Variants in RCOR1 observed in about 807,000 individuals in gnomAD.
RCOR1 encodes the protein REST corepressor.
In RCOR1, 12 loss-of-function variants were observed where a neutral mutation model predicts 64.0. The ratio of observed to expected loss-of-function variants is 0.19; its 90% confidence interval spans 0.12 to 0.30. RCOR1 has a LOEUF of 0.30. Among genes scored for constraint, RCOR1 ranks in the 10% least tolerant of loss-of-function variants. The pLI, the probability that RCOR1 is intolerant of heterozygous loss-of-function variation, is 1.00. For missense variants in RCOR1, 502 were observed against 621.2 expected, an observed-to-expected ratio of 0.81 and a Z score of 2.04; for synonymous variants, 279 against 227.2, an observed-to-expected ratio of 1.23 and a Z score of -2.05.
chr14:102,722,046 T>G (rs770785453), intron 10 of RCOR1, 141 bp from the exon 11 acceptor site: 38 of 654,332 alleles, frequency 5.8e-5, no homozygotes, highest in Admixed American at 1.7e-4. Flanking sequence ...TACTTTTTCC[T>G]ACTCTAATAA....
At chr14:102,709,535 G>C (rs753368393) in intron 6 of RCOR1, among the ~76,000 whole-genome samples, 22 of 152,200 alleles carry the variant, frequency 1.4e-4, no homozygotes, top group Non-Finnish European at 2.8e-4. Flanking sequence ...AGTAACATGT[G>C]AGAACACATT....
chr14:102,718,189 G>A (rs1566713535), intron 8 of RCOR1, among the ~76,000 whole-genome samples: 1 of 152,252 alleles, frequency 6.6e-6, no homozygotes, highest in Non-Finnish European at 1.5e-5. Context: ...GCCATTCTCA[G>A]CTGTTGGCTT....
At chr14:102,629,386 A>T (rs977538440) in intron 2 of RCOR1, among the ~76,000 whole-genome samples, 2 of 151,640 alleles carry the variant, frequency 1.3e-5, no homozygotes, top group Non-Finnish European at 2.9e-5. Flanking sequence ...CTTCAACTAG[A>T]CGGTAAACTG....
intron 3 of RCOR1, among the ~76,000 whole-genome samples, chr14:102,693,255 G>A (rs941934535): frequency 2.6e-5 from 4 of 152,070 alleles, no homozygotes; most frequent in African/African-American, 9.7e-5. Context: ...GAATTCATTT[G>A]TATGACTATT....
intron 2 of RCOR1, among the ~76,000 whole-genome samples, chr14:102,594,332 T>C (rs192016730): frequency 1.2e-4 from 18 of 148,878 alleles, no homozygotes; most frequent in Admixed American, 6.9e-5. Context: ...GTTCTGTATG[T>C]GGGTTATACC....
At chr14:102,603,655 CTG>C (rs1893447821) in intron 2 of RCOR1, among the ~76,000 whole-genome samples, 1 of 150,892 alleles carries the variant, frequency 6.6e-6, no homozygotes, top group Non-Finnish European at 1.5e-5. Context: ...GGGTCTTGCT[CTG>C]TTGCCCAGGC....
At chr14:102,641,760 A>G (rs1894374824) in intron 2 of RCOR1, among the ~76,000 whole-genome samples, 1 of 152,166 alleles carries the variant, frequency 6.6e-6, no homozygotes, top group African/African-American at 2.4e-5. Flanking sequence ...GCCCACTAAC[A>G]TGTATGCTTC....
chr14:102,654,176 AG>A (rs1314357631), intron 2 of RCOR1, among the ~76,000 whole-genome samples: 1 of 151,314 alleles, frequency 6.6e-6, no homozygotes, highest in East Asian at 1.9e-4. Context: ...TAGTAGAGAC[AG>A]GGTTTCACCG....
chr14:102,622,186 C>G (rs899053067), intron 2 of RCOR1, among the ~76,000 whole-genome samples: 20 of 150,786 alleles, frequency 1.3e-4, no homozygotes, highest in African/African-American at 4.6e-4. Flanking sequence ...CTTTCTTACT[C>G]TTAAGAATAA....
Position 102,729,796 on chromosome 14 carries a change from TA to T in RCOR1, c.*3292del. The T allele has an allele frequency of 2.5e-6, 1 of 399,060 alleles. No individual in the cohort carries two copies. 24.7% of individuals were successfully genotyped at this position (399,060 alleles called of 1,614,324 possible). ...AAATAAGCCAAACAGTGCATTACGC[TA>T]ACTGGATCCCTGCTTTTATGTGAGC... On this transcript the variant is annotated 3_prime_UTR_variant, in exon 12 of 12. Coordinates refer to ENST00000262241, the MANE Select transcript of RCOR1 (RefSeq NM_015156.4).
In RCOR1 at chr14:102,729,608, T is replaced by G. The variant is rs1043352400; in HGVS notation, c.*3102T>G. 3 of 371,536 alleles carry G rather than the reference T, an allele frequency of 8.1e-6. No homozygotes were observed. The highest frequency in any genetic ancestry group is 6.2e-5 in the African/African-American group (3 of 48,210). 23.0% of individuals were successfully genotyped at this position (371,536 alleles called of 1,614,324 possible). ...AGGTAGTTAGTTGGGTTGTAACAGC[T>G]TACTGGGGTGGACTCATAAAACAGT... On this transcript the variant is annotated 3_prime_UTR_variant, in exon 12 of 12. Coordinates refer to ENST00000262241, the MANE Select transcript of RCOR1 (RefSeq NM_015156.4).
intron 2 of RCOR1, among the ~76,000 whole-genome samples, chr14:102,613,337 G>A (rs1893674013): frequency 6.6e-6 from 1 of 151,874 alleles, no homozygotes; most frequent in Admixed American, 6.6e-5. Flanking sequence ...CATGACCTCA[G>A]GTGGTCCGCC....
intron 2 of RCOR1, among the ~76,000 whole-genome samples, chr14:102,666,325 A>T (rs1488886287): frequency 6.6e-6 from 1 of 152,174 alleles, no homozygotes; most frequent in African/African-American, 2.4e-5. Flanking sequence ...CAGCAGAAGG[A>T]CTTTTTATTT....
At chr14:102,655,808 C>T (rs1894710289) in intron 2 of RCOR1, among the ~76,000 whole-genome samples, 1 of 151,990 alleles carries the variant, frequency 6.6e-6, no homozygotes, top group South Asian at 2.1e-4. Flanking sequence ...CAAAAATTAG[C>T]CGGGTGTGGT....
In RCOR1 at chr14:102,592,798, G is replaced by T; in HGVS notation, c.-89G>T. The T allele has an allele frequency of 8.5e-7, 1 of 1,172,448 alleles. No individual in the cohort carries two copies. Among genetic ancestry groups the T allele is most frequent in the Non-Finnish European group, 1.1e-6 (1 of 950,240 alleles). The allele number at this position is 1,172,448 out of a possible 1,614,324, so 72.6% of individuals were successfully genotyped here. ...TCCCGCCGCGCCCGCCCGGCCCCGC[G>T]CCGGCCCCGCGCCCCCTCCCCCGTC... On this transcript the variant is annotated 5_prime_UTR_variant, in exon 1 of 12. Coordinates refer to ENST00000262241, the MANE Select transcript of RCOR1 (RefSeq NM_015156.4).
At chr14:102,627,137 T>C (rs2093570) in intron 2 of RCOR1, among the ~76,000 whole-genome samples, 152,250 of 152,274 alleles carry the variant, frequency 1, 76,114 homozygotes, top group Non-Finnish European at 1. Flanking sequence ...AGAAAACTAC[T>C]CACTCCCCTT....
At chr14:102,637,149 C>A (rs1219444557) in intron 2 of RCOR1, among the ~76,000 whole-genome samples, 1 of 142,048 alleles carries the variant, frequency 7.0e-6, no homozygotes, top group Admixed American at 7.1e-5. Flanking sequence ...TTTTTTGAGA[C>A]GGAGTCTTAC....
In RCOR1 at chr14:102,730,229, C is replaced by T. The variant is rs1595251033; in HGVS notation, c.*3723C>T. On this transcript the variant is annotated 3_prime_UTR_variant, in exon 12 of 12. Transcript: ENST00000262241. ...CTTTTTAGACAGCTTAAAAAATTTT[C>T]AAGATTTTAAAAGATGTATAAGGTT... 1 of 388,728 alleles carries T rather than the reference C, an allele frequency of 2.6e-6. No individual in the cohort carries two copies. The highest frequency in any genetic ancestry group is 3.7e-5 in the East Asian group (1 of 27,280). The allele number at this position is 388,728 out of a possible 1,614,324, so 24.1% of individuals were successfully genotyped here. A position where few individuals can be genotyped will look rare whatever the true frequency, so the allele number is the denominator to read the frequency against.
At chr14:102,711,371 T>C (rs1895953766) in intron 7 of RCOR1, among the ~76,000 whole-genome samples, 1 of 152,202 alleles carries the variant, frequency 6.6e-6, no homozygotes, top group South Asian at 2.1e-4. Context: ...TGCCCCAGCG[T>C]CTGCCCATCC....
Sources: allele counts gnomAD v4.1 joint callset (sites outside exome capture counted in the v4.1 genomes callset), GRCh38; gene constraint gnomAD v4.1.1; transcripts MANE v1.5; gene names NCBI Gene and HGNC (gene_info 2026-07-23, HGNC 2026-07-21).